LINGO2: variants seen among roughly 807,000 people sequenced by gnomAD.
LINGO2 encodes the protein leucine rich repeat and Ig domain containing 2.
LINGO2 carries 14 observed loss-of-function variants against 30.6 expected under a neutral mutation model. The observed-to-expected ratio is 0.46, with a 90% confidence interval of 0.30 to 0.72. LINGO2 has a LOEUF of 0.72. LINGO2 is among the 30% of genes least tolerant of loss of function. LINGO2 has a pLI of 0.07. For missense variants in LINGO2, 729 were observed against 751.7 expected, an observed-to-expected ratio of 0.97 and a Z score of 0.35; for synonymous variants, 317 against 288.5, an observed-to-expected ratio of 1.10 and a Z score of -1.00.
At position 28,478,332 on chromosome 9, in the gene LINGO2, G is replaced by GT. The variant is rs200595329; in HGVS notation, c.-364-2308dup. ...ATGCAGCCCTCTAATCTTTGTTTCT[G>GT]TTTTTTTTTCTCAGTTTGATTTAAA... On this transcript the variant is annotated intron_variant, in intron 1 of 5. Transcript: ENST00000379992. 5.0e-3 allele frequency among the ~76,000 whole-genome samples: 753 copies of GT among 150,692 alleles called. 3 individuals carry two copies. Among genetic ancestry groups the GT allele is most frequent in the East Asian group, 0.036 (183 of 5,130 alleles).
At chr9:28,466,054 G>A (rs540512596) in intron 2 of LINGO2, among the ~76,000 whole-genome samples, 1 of 151,090 alleles carries the variant, frequency 6.6e-6, no homozygotes, top group East Asian at 1.9e-4. Context: ...CAGTTCAGAG[G>A]TTTCAAAAAA....
the LINGO2 span, among the ~76,000 whole-genome samples, chr9:28,910,565 C>T: frequency 6.6e-6 from 1 of 151,990 alleles, no homozygotes; most frequent in Admixed American, 6.6e-5. Flanking sequence ...TTCCCCCTTG[C>T]TGTTCTGGTG....
the LINGO2 span, among the ~76,000 whole-genome samples, chr9:28,688,095 C>T: frequency 6.6e-6 from 1 of 152,130 alleles, no homozygotes; most frequent in Non-Finnish European, 1.5e-5. Context: ...GCGCACTCCC[C>T]TATTTACACA....
intron 4 of LINGO2, among the ~76,000 whole-genome samples, chr9:28,193,326 A>C (rs980577241): frequency 6.6e-6 from 1 of 152,156 alleles, no homozygotes; most frequent in African/African-American, 2.4e-5. Flanking sequence ...TTTGCATAAA[A>C]TTCACATATA....
At chr9:28,003,336 TAGATATATAGATAGATAGATAG>T (rs1822061990) in intron 5 of LINGO2, among the ~76,000 whole-genome samples, 1 of 129,296 alleles carries the variant, frequency 7.7e-6, no homozygotes, top group South Asian at 2.6e-4. Context: ...TATAGATATA[TAGATATATAGATAGATAGATAG>T]ATAGATAGAT....
exon 6 of LINGO2, chr9:27,950,559 T>C (rs1020353636): frequency 1.3e-6 from 2 of 1,557,320 alleles, no homozygotes; most frequent in Non-Finnish European, 1.7e-6. Flanking sequence ...AACAGATTTG[T>C]TCTGGGCAGA....
the LINGO2 span, among the ~76,000 whole-genome samples, chr9:29,088,695 A>G: frequency 6.6e-6 from 1 of 152,182 alleles, no homozygotes; most frequent in Admixed American, 6.6e-5. Flanking sequence ...TCCAAATGTG[A>G]TTCTAAGATA....
At chr9:28,932,515 C>A in the LINGO2 span, among the ~76,000 whole-genome samples, 2 of 152,162 alleles carry the variant, frequency 1.3e-5, no homozygotes, top group Non-Finnish European at 2.9e-5. Flanking sequence ...GTGTTTAAGA[C>A]AACGTCTTAC....
At chr9:28,883,731 G>A in the LINGO2 span, among the ~76,000 whole-genome samples, 3 of 145,550 alleles carry the variant, frequency 2.1e-5, no homozygotes, top group Non-Finnish European at 3.0e-5. Flanking sequence ...AGGCTGAAGT[G>A]CAGTGGCATG....
intron 3 of LINGO2, among the ~76,000 whole-genome samples, chr9:28,326,484 A>T (rs1201997785): frequency 6.6e-6 from 1 of 152,102 alleles, no homozygotes; most frequent in African/African-American, 2.4e-5. Flanking sequence ...TTGATATTCT[A>T]TATCACTGCT....
intron 1 of LINGO2, among the ~76,000 whole-genome samples, chr9:28,650,581 A>G (rs925663566): frequency 1.3e-5 from 2 of 151,958 alleles, no homozygotes; most frequent in Admixed American, 6.6e-5. Flanking sequence ...TTCACCAAGA[A>G]ATTTGCAAAT....
Position 28,653,099 on chromosome 9 carries a change from C to T in LINGO2, c.-365+17101G>A, listed in dbSNP as rs539566778. Among the ~76,000 whole-genome samples the T allele has an allele frequency of 4.6e-5, 7 of 152,186 alleles. No individual in the cohort carries two copies. In the East Asian group the frequency reaches 1.2e-3, roughly 25 times the overall value. ...TTAATTCAAAAATATTTATTAAGCA[C>T]CCTGTGGAATATGCATTAGTCAGGC... On this transcript the variant is annotated intron_variant, in intron 1 of 5. Coordinates refer to ENST00000379992, the Ensembl canonical transcript of LINGO2.
chr9:28,830,964 T>C, the LINGO2 span, among the ~76,000 whole-genome samples: 5,378 of 152,288 alleles, frequency 0.035, 293 homozygotes, highest in African/African-American at 0.12. Context: ...AGCCCTGGGC[T>C]AACATGAGAA....
intron 4 of LINGO2, among the ~76,000 whole-genome samples, chr9:28,257,181 G>T (rs901440001): frequency 6.6e-6 from 1 of 151,530 alleles, no homozygotes; most frequent in Non-Finnish European, 1.5e-5. Context: ...TGGATTAGAT[G>T]ACTGGAAGTA....
chr9:28,510,905 A>G (rs1425077438), intron 1 of LINGO2, among the ~76,000 whole-genome samples: 2 of 152,134 alleles, frequency 1.3e-5, no homozygotes, highest in Non-Finnish European at 1.5e-5. Flanking sequence ...AAGAACTTGG[A>G]GTCTGATGTT....
intron 1 of LINGO2, among the ~76,000 whole-genome samples, chr9:28,630,892 A>C (rs1478928858): frequency 1.2e-5 from 1 of 80,520 alleles, no homozygotes; most frequent in Non-Finnish European, 3.1e-5. Context: ...GCACATAAAG[A>C]AAAAAAAAAA....
At chr9:28,163,659 A>G (rs1011946839) in intron 4 of LINGO2, among the ~76,000 whole-genome samples, 4 of 152,154 alleles carry the variant, frequency 2.6e-5, no homozygotes, top group African/African-American at 9.7e-5. Flanking sequence ...ATAAGAATAC[A>G]TGGTCAAAGA....
At chr9:28,976,457 C>A in the LINGO2 span, among the ~76,000 whole-genome samples, 25 of 152,176 alleles carry the variant, frequency 1.6e-4, no homozygotes, top group African/African-American at 5.8e-4. Flanking sequence ...TAGAGATAAG[C>A]ATATAAGCCC....
the LINGO2 span, among the ~76,000 whole-genome samples, chr9:28,952,737 A>C: frequency 3.7e-3 from 561 of 152,310 alleles, 3 homozygotes; most frequent in African/African-American, 0.013. Flanking sequence ...TGGAACTGCT[A>C]GATGATTGTA....
Sources: allele counts gnomAD v4.1 joint callset (sites outside exome capture counted in the v4.1 genomes callset), GRCh38; gene constraint gnomAD v4.1.1; transcripts MANE v1.5; gene names NCBI Gene and HGNC (gene_info 2026-07-23, HGNC 2026-07-21).